Variants in TECTB observed in about 807,000 individuals in gnomAD.
TECTB encodes the protein beta-tectorin.
Under a neutral mutation model 43.3 loss-of-function variants are expected in TECTB, and 45 were observed. That is an observed-to-expected ratio of 1.04 (90% CI 0.82 to 1.33). The LOEUF (loss-of-function observed/expected upper bound fraction) is 1.33, where lower values mean the gene tolerates loss of function less well. TECTB is among the 40% of genes most tolerant of loss of function. TECTB has a pLI of 0.00. For synonymous variants in TECTB, 169 were observed against 156.7 expected, an observed-to-expected ratio of 1.08 and a Z score of -0.59; for missense variants, 399 against 404.7, an observed-to-expected ratio of 0.99 and a Z score of 0.12.
intron 9 of TECTB, among the ~76,000 whole-genome samples, chr10:112,300,233 AG>A: frequency 8.4e-5 from 3 of 35,608 alleles, no homozygotes; most frequent in Non-Finnish European, 1.1e-4. Context: ...AAAGAAATAA[AG>A]AAAGAAAGAA....
At chr10:112,303,226 T>C in intron 10 of TECTB, 37 bp from the exon 11 acceptor site, 1 of 1,613,462 alleles carries the variant, frequency 6.2e-7, no homozygotes, top group Non-Finnish European at 8.5e-7. Flanking sequence ...TGTAGAACTG[T>C]CTCTGAGTGC....
In TECTB at chr10:112,283,758, G is replaced by A; in HGVS notation, c.24G>A (p.Leu8=). ...CAATGGTGACGAAGGCCTTTGTCTT[G>A]TTGGCCATCTTTGCAGAAGCCTCTG... MVTKAFV[L]LAIFAEASAK... The change falls in exon 2 of 11, where the codon TTG becomes TTA. Residue 8 remains leucine, a synonymous_variant. Transcript: ENST00000646139. 1 of 1,613,946 alleles carries A rather than the reference G, an allele frequency of 6.2e-7. No homozygotes were observed. The highest frequency in any genetic ancestry group is 8.5e-7 in the Non-Finnish European group (1 of 1,179,920).
chr10:112,290,391 G>A (rs1209721863), intron 5 of TECTB, among the ~76,000 whole-genome samples: 2 of 152,206 alleles, frequency 1.3e-5, no homozygotes, highest in African/African-American at 4.8e-5. Context: ...AGAGAAAGTA[G>A]GGGAAAAATT....
At chr10:112,287,520 C>T (rs1178142751) in intron 5 of TECTB, among the ~76,000 whole-genome samples, 2 of 152,234 alleles carry the variant, frequency 1.3e-5, no homozygotes, top group East Asian at 1.9e-4. Flanking sequence ...AACCCATTCA[C>T]TTCTCAAAGG....
intron 5 of TECTB, among the ~76,000 whole-genome samples, chr10:112,287,102 G>A (rs929621501): frequency 2.6e-5 from 4 of 152,150 alleles, no homozygotes; most frequent in African/African-American, 7.2e-5. Context: ...TTAAGATCTA[G>A]CTCTTAAAAT....
At position 112,298,115 on chromosome 10, in the gene TECTB, C is replaced by A. The variant is rs779046681; in HGVS notation, c.718C>A (p.His240Asn). The change falls in exon 8 of 11, where the codon CAC becomes AAC. Residue 240 changes from histidine (H) to asparagine (N), a missense_variant. Coordinates refer to ENST00000646139, the MANE Select transcript of TECTB (RefSeq NM_058222.3). Reference protein sequence around the residue: ...TVLVHENGRDHRATFQFNAFR... With the variant: ...TVLVHENGRDNRATFQFNAFR... ...CCTCGTGCATGAGAATGGGAGAGAT[C>A]ACAGGGCAACCTTCCAATTCAATGC... The A allele has an allele frequency of 1.2e-6, 2 of 1,614,100 alleles. No homozygotes were observed. The highest frequency in any genetic ancestry group is 1.6e-4 in the Middle Eastern group (1 of 6,084).
chr10:112,299,796 C>A, intron 9 of TECTB: 1 of 514,538 alleles, frequency 1.9e-6, no homozygotes, highest in South Asian at 2.9e-5. Flanking sequence ...ACCCTAAATT[C>A]AAATACCCCC....
chr10:112,299,957 G>A (rs1215871439), intron 9 of TECTB, among the ~76,000 whole-genome samples: 1 of 151,968 alleles, frequency 6.6e-6, no homozygotes, highest in Non-Finnish European at 1.5e-5. Flanking sequence ...GAGGTCAGGA[G>A]TTTGAGACCA....
rs115439217 is a variant in TECTB at position 112,298,848 on chromosome 10, T to C, written c.834+617T>C. On this transcript the variant is annotated intron_variant, in intron 8 of 10. Transcript: ENST00000646139. ...CACTTAGACACTTAGACATGCCAAA[T>C]CTCAAACTGTTCTCCTTTCTGGTCT... Among the ~76,000 whole-genome samples the C allele has an allele frequency of 3.5e-3, 537 of 152,316 alleles. 3 individuals carry two copies. The highest frequency in any genetic ancestry group is 0.012 in the African/African-American group (509 of 41,566).
At chr10:112,284,314 C>T (rs536325131) in intron 2 of TECTB, among the ~76,000 whole-genome samples, 30 of 152,196 alleles carry the variant, frequency 2.0e-4, no homozygotes, top group Middle Eastern at 3.4e-3. Context: ...CCATGTTAAA[C>T]GTGGTGCAGT....
rs1589637062 is a variant in TECTB at position 112,289,119 on chromosome 10, T to C, written c.483+2728T>C. 2.6e-5 allele frequency among the ~76,000 whole-genome samples: 4 copies of C among 152,176 alleles called. No homozygotes were observed. In the South Asian group the frequency reaches 8.3e-4, roughly 32 times the overall value. On this transcript the variant is annotated intron_variant, in intron 5 of 10. Transcript: ENST00000646139. ...TGTTATAGAATTAAATGAAATAATC[T>C]TTAGGAAGCACTTAGCACAGTGCCT...
At chr10:112,298,491 T>A (rs1212981948) in intron 8 of TECTB, among the ~76,000 whole-genome samples, 3 of 152,086 alleles carry the variant, frequency 2.0e-5, no homozygotes, top group African/African-American at 7.2e-5. Flanking sequence ...TTAAGCAAAG[T>A]GTGTTAAGTA....
At chr10:112,283,881 C>T (rs866531673) in intron 2 of TECTB, 71 bp downstream of exon 2, 1 of 1,483,278 alleles carries the variant, frequency 6.7e-7, no homozygotes, top group Middle Eastern at 1.7e-4. Context: ...ATGCTCAGCA[C>T]TTCTGTGCTT....
At chr10:112,302,607 T>C (rs1848621316) in intron 10 of TECTB, 1 of 330,536 alleles carries the variant, frequency 3.0e-6, no homozygotes, top group African/African-American at 2.1e-5. Flanking sequence ...GGTATAGATA[T>C]TTAATTACAG....
At position 112,298,086 on chromosome 10, in the gene TECTB, C is replaced by T. The variant is rs1848564164; in HGVS notation, c.689C>T (p.Thr230Ile). The T allele has an allele frequency of 1.2e-6, 2 of 1,614,202 alleles. No individual in the cohort carries two copies. Among genetic ancestry groups the T allele is most frequent in the Non-Finnish European group, 1.7e-6 (2 of 1,180,036 alleles). ...LINKGCPTDE[T>I]VLVHENGRDH... is the part of the protein sequence containing the mutation. ...TGCCTCAGCTGCCCCACGGATGAAA[C>T]CGTCCTCGTGCATGAGAATGGGAGA... is the stretch of plus-strand genomic sequence containing the variant. Residue 230 changes from threonine to isoleucine, a missense_variant, in exon 8 of 11, where the codon ACC becomes ATC. By Grantham distance (89) the Thr-to-Ile change is moderately conservative. Transcript: ENST00000646139.
chr10:112,285,941 C>A, intron 3 of TECTB, 130 bp from the exon 4 acceptor site: 4 of 1,189,860 alleles, frequency 3.4e-6, no homozygotes, highest in Non-Finnish European at 4.8e-6. Flanking sequence ...GTGGATGCCA[C>A]CGTCAGTGGC....
intron 9 of TECTB, among the ~76,000 whole-genome samples, chr10:112,300,972 C>T (rs968497054): frequency 2.0e-5 from 3 of 152,242 alleles, no homozygotes; most frequent in African/African-American, 7.2e-5. Flanking sequence ...GAAGCTGTAG[C>T]GGCTCTATCT....
rs148192897 is a variant in TECTB at position 112,290,417 on chromosome 10, T to C, written c.484-3321T>C. Among the ~76,000 whole-genome samples, 193 of 152,344 alleles carry C rather than the reference T, an allele frequency of 1.3e-3. 1 individual carries two copies. The highest frequency in any genetic ancestry group is 7.9e-3 in the East Asian group (41 of 5,192). On this transcript the variant is annotated intron_variant, in intron 5 of 10. Transcript: ENST00000646139. ...GGGAAAAATTATTCCAAGCCTTCCCTGAGCTGTTGGGTGAGAATATAGAGA... is the reference window on the plus strand; with the variant it reads ...GGGAAAAATTATTCCAAGCCTTCCCCGAGCTGTTGGGTGAGAATATAGAGA...
At chr10:112,285,351 C>G (rs1015976364) in intron 3 of TECTB, among the ~76,000 whole-genome samples, 2 of 152,174 alleles carry the variant, frequency 1.3e-5, no homozygotes, top group African/African-American at 4.8e-5. Context: ...ATCTAGCATT[C>G]CTACTGCCCT....
Sources: allele counts gnomAD v4.1 joint callset (sites outside exome capture counted in the v4.1 genomes callset), GRCh38; gene constraint gnomAD v4.1.1; transcripts MANE v1.5; gene names NCBI Gene and HGNC (gene_info 2026-07-23, HGNC 2026-07-21).